The following AHCY variants were observed in gnomAD, a reference collection of about 807,000 sequenced individuals.
AHCY encodes adenosylhomocysteinase, also known as S-adenosyl-L-homocysteine hydrolase.
AHCY carries 24 observed loss-of-function variants against 45.4 expected under a neutral mutation model. That is an observed-to-expected ratio of 0.53 (90% CI 0.38 to 0.74). The LOEUF (loss-of-function observed/expected upper bound fraction) is 0.74. AHCY is among the 30% of genes least tolerant of loss of function. The pLI is 0.00. For synonymous variants in AHCY, 245 were observed against 235.1 expected (o/e 1.04, Z -0.39); for missense variants, 449 against 594.1 (o/e 0.76, Z 2.54).
intron 4 of AHCY, among the ~76,000 whole-genome samples, chr20:34,291,846 C>T (rs1356686549): frequency 6.6e-6 from 1 of 152,228 alleles, no homozygotes; most frequent in Non-Finnish European, 1.5e-5. Context: ...ATGCAGCAGC[C>T]ATTTCTAACA....
At chr20:34,289,242 C>T (rs1568794209) in intron 8 of AHCY, among the ~76,000 whole-genome samples, 3 of 152,244 alleles carry the variant, frequency 2.0e-5, no homozygotes, top group East Asian at 1.9e-4. Context: ...GGAACAATCT[C>T]GGCTCACTAC....
rs530574742 is a variant in AHCY, at chr20:34,302,132, C to G, written c.28+1111G>C. ...CCTCCTGCCTCAGCCTCCCGAGTAG[C>G]TGGGAATGAAGGCGCCCGCCACCAC... On this transcript the variant is annotated intron_variant, in intron 1 of 9. Coordinates refer to ENST00000217426, the MANE Select transcript of AHCY (RefSeq NM_000687.4). The G allele has an allele frequency of 4.8e-4, 175 of 363,922 alleles. 2 individuals are homozygous for G. Among genetic ancestry groups the G allele is most frequent in the African/African-American group, 3.8e-3 (172 of 45,590 alleles). 22.5% of individuals were successfully genotyped at this position (363,922 alleles called of 1,614,324 possible).
the AHCY span, among the ~76,000 whole-genome samples, chr20:34,258,003 G>C: frequency 6.6e-6 from 1 of 152,088 alleles, no homozygotes; most frequent in African/African-American, 2.4e-5. Flanking sequence ...AATTAGCTGG[G>C]CGTGGTGGCA....
At chr20:34,246,202 C>T in the AHCY span, 5 of 1,430,976 alleles carry the variant, frequency 3.5e-6, no homozygotes, top group South Asian at 5.1e-5. Context: ...CCTTAGTAAG[C>T]TTTTGTGGTA....
At chr20:34,232,256 A>G in the AHCY span, among the ~76,000 whole-genome samples, 13 of 152,206 alleles carry the variant, frequency 8.5e-5, no homozygotes, top group Non-Finnish European at 1.6e-4. Context: ...TGGCCTGGCT[A>G]AAGAGCAGTC....
the AHCY span, among the ~76,000 whole-genome samples, chr20:34,250,720 C>T: frequency 6.6e-6 from 1 of 152,228 alleles, no homozygotes; most frequent in Admixed American, 6.5e-5. Flanking sequence ...TCGCTTGAAC[C>T]CGGGAGGTGG....
chr20:34,257,066 T>TTC, the AHCY span, among the ~76,000 whole-genome samples: 1 of 93,550 alleles, frequency 1.1e-5, no homozygotes, highest in African/African-American at 6.8e-5. Flanking sequence ...CTCTCTTTCT[T>TTC]TCTCTTTTTT....
the AHCY span, among the ~76,000 whole-genome samples, chr20:34,259,804 A>G: frequency 1.3e-5 from 2 of 152,094 alleles, no homozygotes; most frequent in East Asian, 1.9e-4. Flanking sequence ...CAGGGGGCCT[A>G]TGTCAACAGC....
At chr20:34,243,612 AATAC>A in the AHCY span, among the ~76,000 whole-genome samples, 1 of 152,138 alleles carries the variant, frequency 6.6e-6, no homozygotes, top group East Asian at 1.9e-4. Flanking sequence ...GCACCAACAG[AATAC>A]ATATGTAACA....
the AHCY span, among the ~76,000 whole-genome samples, chr20:34,241,967 C>T: frequency 1.3e-5 from 2 of 152,096 alleles, no homozygotes; most frequent in Non-Finnish European, 2.9e-5. Flanking sequence ...CCATTTATTG[C>T]AGACTCTCCT....
chr20:34,260,308 G>A, the AHCY span: 3 of 1,504,852 alleles, frequency 2.0e-6, no homozygotes, highest in Non-Finnish European at 1.8e-6. Flanking sequence ...AAAGCAGGAA[G>A]GCCTCTTACC....
the AHCY span, chr20:34,260,478 G>A: frequency 6.2e-7 from 1 of 1,614,128 alleles, no homozygotes; most frequent in East Asian, 2.2e-5. Flanking sequence ...GATGACAGGA[G>A]CCTGAGAAGC....
At chr20:34,283,211 CAGA>C (rs2036059964) in intron 9 of AHCY, among the ~76,000 whole-genome samples, 10 of 152,204 alleles carry the variant, frequency 6.6e-5, no homozygotes, top group Admixed American at 5.2e-4. Flanking sequence ...CACCCTGAAC[CAGA>C]AGGTGTGTGT....
chr20:34,288,497 G>A (rs1052118317), intron 8 of AHCY, among the ~76,000 whole-genome samples: 4 of 152,052 alleles, frequency 2.6e-5, no homozygotes, highest in South Asian at 2.1e-4. Context: ...GCAAGGCCTC[G>A]TCTCTACAAA....
At chr20:34,310,407 G>A (rs2036936041) in intron 1 of AHCY, among the ~76,000 whole-genome samples, 1 of 152,098 alleles carries the variant, frequency 6.6e-6, no homozygotes, top group South Asian at 2.1e-4. Context: ...AAAGTTTACA[G>A]TTTAATAACA....
the AHCY span, among the ~76,000 whole-genome samples, chr20:34,269,819 G>A: frequency 1.3e-5 from 2 of 150,588 alleles, no homozygotes; most frequent in East Asian, 2.0e-4. Context: ...TGGCGCATGC[G>A]GTAAATCTCA....
chr20:34,283,460 G>C (rs755284574), intron 9 of AHCY, among the ~76,000 whole-genome samples: 9 of 152,164 alleles, frequency 5.9e-5, no homozygotes, highest in Non-Finnish European at 1.2e-4. Context: ...AAGGTACCTA[G>C]TCCCTTGCCT....
At chr20:34,260,665 G>A in the AHCY span, 2 of 1,087,282 alleles carry the variant, frequency 1.8e-6, no homozygotes, top group South Asian at 1.9e-5. Flanking sequence ...AAATAATCCT[G>A]GGAGAATAAG....
the AHCY span, chr20:34,262,744 T>C: frequency 1.4e-6 from 2 of 1,479,666 alleles, no homozygotes; most frequent in Non-Finnish European, 1.9e-6. Context: ...ACCTTGTGAC[T>C]TCCCAAGCCC....
Sources: gnomAD v4.1 joint callset for allele counts (sites outside exome capture counted in the v4.1 genomes callset) on GRCh38, gnomAD v4.1.1 for gene constraint, MANE v1.5 for transcripts, NCBI Gene and HGNC (gene_info 2026-07-23, HGNC 2026-07-21) for gene names.